The following G3BP2 variants were observed in gnomAD, a reference collection of about 807,000 sequenced individuals.
G3BP2 encodes G3BP stress granule assembly factor 2.
Under a neutral mutation model 56.7 loss-of-function variants are expected in G3BP2, and 11 were observed. That is an observed-to-expected ratio of 0.19 (90% CI 0.12 to 0.32). The LOEUF (loss-of-function observed/expected upper bound fraction) is 0.32, where lower values mean the gene tolerates loss of function less well. Ranked by LOEUF, G3BP2 falls within the 10% of genes least tolerant of loss-of-function variation. The probability of loss-of-function intolerance (pLI) is 1.00; values close to 1 mark genes in which losing one functional copy is unlikely to be tolerated. For missense variants in G3BP2, 340 were observed against 610.9 expected (o/e 0.56, Z 4.67); for synonymous variants, 165 against 191.6 (o/e 0.86, Z 1.15).
At position 75,662,002 on chromosome 4, in the gene G3BP2, C is replaced by T. The variant is rs553946852; in HGVS notation, c.24G>A (p.Pro8=). 3.1e-6 allele frequency: 5 copies of T among 1,610,850 alleles called. No individual in the cohort carries two copies. The highest frequency in any genetic ancestry group is 1.1e-5 in the South Asian group (1 of 90,980). The change falls in exon 2 of 12, where the codon CCG becomes CCA. Residue 8 remains proline, a synonymous_variant. Coordinates refer to ENST00000359707, the MANE Select transcript of G3BP2 (RefSeq NM_203505.3). MVMEKPS[P]LLVGREFVRQ... is the part of the protein sequence containing the mutation. ...TCACAAACTCCCGCCCTACAAGCAG[C>T]GGACTGGGCTTCTCCATAACCATTT... is the stretch of plus-strand genomic sequence containing the variant.
At chr4:75,658,947 T>C (rs752483555) in intron 2 of G3BP2, 23 bp from the exon 3 acceptor site, 2 of 1,521,118 alleles carry the variant, frequency 1.3e-6, no homozygotes, top group Admixed American at 3.3e-5. Flanking sequence ...AATTAATGAT[T>C]AACACTGAAT....
At chr4:75,712,659 G>A (rs1028018508) in intron 3 of G3BP2, among the ~76,000 whole-genome samples, 6 of 152,068 alleles carry the variant, frequency 3.9e-5, no homozygotes, top group Non-Finnish European at 5.9e-5. Context: ...TCTAGATTAC[G>A]ATCACTGGGA....
At chr4:75,710,497 G>T (rs199577658) in intron 3 of G3BP2, among the ~76,000 whole-genome samples, 5 of 152,162 alleles carry the variant, frequency 3.3e-5, no homozygotes, top group Non-Finnish European at 4.4e-5. Context: ...TTTAACAATA[G>T]GGGTTTGAAC....
At chr4:75,670,149 G>C (rs1733373328) in intron 1 of G3BP2, among the ~76,000 whole-genome samples, 1 of 152,194 alleles carries the variant, frequency 6.6e-6, no homozygotes, top group African/African-American at 2.4e-5. Context: ...TGGGTGCTAA[G>C]ACACAGCTTA....
intron 3 of G3BP2, among the ~76,000 whole-genome samples, chr4:75,719,654 G>C (rs1036155736): frequency 6.6e-6 from 1 of 152,006 alleles, no homozygotes; most frequent in Non-Finnish European, 1.5e-5. Context: ...GCAATGGCAA[G>C]ATCCTGGCTC....
At chr4:75,699,233 C>T (rs1719236819) in intron 3 of G3BP2, among the ~76,000 whole-genome samples, 1 of 152,190 alleles carries the variant, frequency 6.6e-6, no homozygotes, top group Non-Finnish European at 1.5e-5. Context: ...AACAGAATTC[C>T]TCCTACAATA....
At chr4:75,690,208 C>A (rs544759297) in intron 3 of G3BP2, among the ~76,000 whole-genome samples, 1 of 152,194 alleles carries the variant, frequency 6.6e-6, no homozygotes, top group East Asian at 1.9e-4. Flanking sequence ...CCAAGGTGGG[C>A]GGATCACCTG....
intron 3 of G3BP2, among the ~76,000 whole-genome samples, chr4:75,702,393 TG>T (rs1449978846): frequency 1.3e-5 from 2 of 152,192 alleles, no homozygotes; most frequent in Admixed American, 6.5e-5. Flanking sequence ...ACCCACCGCC[TG>T]GGTCTCCCAA....
chr4:75,722,130 C>T (rs893464934), intron 2 of G3BP2, among the ~76,000 whole-genome samples: 4 of 152,106 alleles, frequency 2.6e-5, no homozygotes, highest in Non-Finnish European at 5.9e-5. Flanking sequence ...TAATATGTAA[C>T]TCTTCCTCTG....
chr4:75,718,794 G>A (rs558599038), intron 3 of G3BP2, among the ~76,000 whole-genome samples: 1 of 152,326 alleles, frequency 6.6e-6, no homozygotes, highest in East Asian at 1.9e-4. Context: ...TCTTAGGAGA[G>A]AGGTTGGGAG....
At chr4:75,714,712 C>T (rs1719872496) in intron 3 of G3BP2, among the ~76,000 whole-genome samples, 1 of 152,102 alleles carries the variant, frequency 6.6e-6, no homozygotes, top group Non-Finnish European at 1.5e-5. Context: ...GAAATTAGTT[C>T]AATATAAAAA....
Position 75,654,231 on chromosome 4 carries a change from C to T in G3BP2, c.727-150G>A, listed in dbSNP as rs1263986730. 6 of 511,448 alleles carry T rather than the reference C, an allele frequency of 1.2e-5. No individual in the cohort carries two copies. In the East Asian group the frequency reaches 1.5e-4, roughly 13 times the overall value. 31.7% of individuals were successfully genotyped at this position (511,448 alleles called of 1,614,324 possible). On this transcript the variant is annotated intron_variant, in intron 7 of 11. Coordinates refer to ENST00000359707, the MANE Select transcript of G3BP2 (RefSeq NM_203505.3). ...AAAAGAAAGGCACACACACACATGC[C>T]AGTCTATGTGCCAGCTTTCAAAATC...
rs927583458 is a variant in G3BP2 at position 75,645,540 on chromosome 4, G to A, written c.1339C>T (p.Arg447Cys). 11 of 1,613,630 alleles carry A rather than the reference G, an allele frequency of 6.8e-6. No individual in the cohort carries two copies. Among genetic ancestry groups the A allele is most frequent in the African/African-American group, 1.3e-5 (1 of 74,836 alleles). ...GGAGGTCCTCTTCCATCACGATCACGCATCATTCCACCACCCACAATTCCA... is the reference window on the plus strand; with the variant it reads ...GGAGGTCCTCTTCCATCACGATCACACATCATTCCACCACCCACAATTCCA... Reference protein sequence around the residue: ...PRGIVGGGMMRDRDGRGPPPR... With the variant: ...PRGIVGGGMMCDRDGRGPPPR... The change falls in exon 12 of 12, where the codon CGT (arginine) becomes TGT (cysteine). Residue 447 changes from arginine (R) to cysteine (C), a missense_variant. By Grantham distance (180) the Arg-to-Cys change is radical. This residue lies in a region of G3BP2 where 94 missense variants were observed against 173.8 expected (regional missense o/e 0.54). Transcript: ENST00000359707.
chr4:75,714,471 A>G (rs1177189095), intron 3 of G3BP2, among the ~76,000 whole-genome samples: 1 of 152,164 alleles, frequency 6.6e-6, no homozygotes, highest in Non-Finnish European at 1.5e-5. Context: ...TACTAAAAAT[A>G]CAAAAAATTA....
At chr4:75,718,024 A>C (rs1719994271) in intron 3 of G3BP2, among the ~76,000 whole-genome samples, 1 of 152,030 alleles carries the variant, frequency 6.6e-6, no homozygotes, top group African/African-American at 2.4e-5. Flanking sequence ...CTATAATCCC[A>C]GCTACTTGGG....
chr4:75,699,003 C>T (rs1465049989), intron 3 of G3BP2, among the ~76,000 whole-genome samples: 6 of 152,120 alleles, frequency 3.9e-5, no homozygotes, highest in Admixed American at 3.3e-4. Flanking sequence ...AACGTTGAAA[C>T]TCTCCTACCT....
intron 3 of G3BP2, among the ~76,000 whole-genome samples, chr4:75,698,207 T>C (rs1719201256): frequency 6.6e-6 from 1 of 152,054 alleles, no homozygotes; most frequent in Non-Finnish European, 1.5e-5. Flanking sequence ...AGAGTCCTCA[T>C]AACAAGGAGA....
chr4:75,703,225 G>A (rs993505727), intron 3 of G3BP2, among the ~76,000 whole-genome samples: 1 of 152,162 alleles, frequency 6.6e-6, no homozygotes, highest in Admixed American at 6.5e-5. Flanking sequence ...ATTAACAAAT[G>A]ATCAAACACG....
At position 75,645,456 on chromosome 4, in the gene G3BP2, C is replaced by T. The variant is rs1235059529; in HGVS notation, c.1423G>A (p.Gly475Ser). 1.1e-5 allele frequency: 17 copies of T among 1,613,870 alleles called. No homozygotes were observed. The highest frequency in any genetic ancestry group is 1.3e-5 in the Non-Finnish European group (15 of 1,179,958). The change falls in exon 12 of 12, where the codon GGC (glycine) becomes AGC (serine). Residue 475 changes from glycine (G) to serine (S), a missense_variant. Gly to Ser is a moderately conservative substitution (Grantham distance 56). Transcript: ENST00000359707. Reference protein sequence around the residue: ...GSGRGTGQMEGRFTGQRR With the variant: ...GSGRGTGQMESRFTGQRR ...CAGCGACGCTGTCCTGTGAAGCGGC[C>T]CTCCATTTGCCCGGTTCCTCTTCCA... is the stretch of plus-strand genomic sequence containing the variant.
Sources: allele counts gnomAD v4.1 joint callset (sites outside exome capture counted in the v4.1 genomes callset), GRCh38; gene constraint gnomAD v4.1.1; regional missense constraint gnomAD v4.1.1; transcripts MANE v1.5; gene names NCBI Gene and HGNC (gene_info 2026-07-23, HGNC 2026-07-21).